The following ABCA13 variants were observed in gnomAD, a reference collection of about 807,000 sequenced individuals.
ABCA13 encodes the protein ATP-binding cassette sub-family A member 13.
A neutral mutation model predicts 478.7 loss-of-function variants in ABCA13; 476 were observed. The observed-to-expected ratio is 0.99, with a 90% CI of 0.92 to 1.07. ABCA13 has a LOEUF of 1.07. ABCA13 is among the 50% of genes least tolerant of loss of function. The probability of loss-of-function intolerance (pLI) is 0.00; values close to 1 mark genes in which losing one functional copy is unlikely to be tolerated. For missense variants in ABCA13, 6,060 were observed against 5,910.6 expected, an observed-to-expected ratio of 1.03 and a Z score of -0.83; for synonymous variants, 2,252 against 2,158.9, an observed-to-expected ratio of 1.04 and a Z score of -1.20.
intron 43 of ABCA13, among the ~76,000 whole-genome samples, chr7:48,461,909 T>C (rs1478969918): frequency 6.6e-6 from 1 of 152,132 alleles, no homozygotes; most frequent in East Asian, 1.9e-4. Context: ...AGGCCATAAG[T>C]TCTACCCTGA....
intron 35 of ABCA13, among the ~76,000 whole-genome samples, chr7:48,385,332 C>T (rs945242328): frequency 2.0e-5 from 3 of 152,076 alleles, no homozygotes; most frequent in African/African-American, 7.2e-5. Context: ...CATGTTGTTC[C>T]CCGCAGTGCA....
chr7:48,376,382 C>T (rs1340461786), intron 34 of ABCA13, 59 bp from the exon 35 acceptor site: 1 of 1,573,278 alleles, frequency 6.4e-7, no homozygotes. Context: ...CTCATCATGA[C>T]AAAATCTACC....
intron 43 of ABCA13, among the ~76,000 whole-genome samples, chr7:48,465,002 C>G (rs1168697867): frequency 6.6e-6 from 1 of 152,064 alleles, no homozygotes; most frequent in African/African-American, 2.4e-5. Flanking sequence ...ATTGGAGATA[C>G]CGAGACAGAG....
chr7:48,473,010 G>A (rs1827678937), intron 45 of ABCA13, among the ~76,000 whole-genome samples: 1 of 152,184 alleles, frequency 6.6e-6, no homozygotes, highest in African/African-American at 2.4e-5. Context: ...GAAGGTGAAA[G>A]GCACTTCTTA....
At chr7:48,462,063 C>A (rs1450920370) in intron 43 of ABCA13, among the ~76,000 whole-genome samples, 1 of 149,688 alleles carries the variant, frequency 6.7e-6, no homozygotes, top group African/African-American at 2.5e-5. Flanking sequence ...GCTATGCCCC[C>A]TAAATTGCTT....
chr7:48,330,673 C>T (rs916851463), intron 27 of ABCA13, among the ~76,000 whole-genome samples: 3 of 151,034 alleles, frequency 2.0e-5, no homozygotes, highest in Admixed American at 1.3e-4. Flanking sequence ...ATTCAACCAT[C>T]GATTCATCTA....
intron 57 of ABCA13, among the ~76,000 whole-genome samples, chr7:48,592,411 A>G (rs550514682): frequency 2.0e-5 from 3 of 152,064 alleles, no homozygotes; most frequent in African/African-American, 4.8e-5. Flanking sequence ...ATTAATTTCT[A>G]GTATCATACC....
chr7:48,469,046 C>A (rs1392541355), intron 44 of ABCA13, among the ~76,000 whole-genome samples: 1 of 152,192 alleles, frequency 6.6e-6, no homozygotes, highest in African/African-American at 2.4e-5. Flanking sequence ...GTGTTGAATT[C>A]TCCTACTATT....
chr7:48,590,967 C>T (rs978124015), intron 57 of ABCA13, among the ~76,000 whole-genome samples: 2 of 151,870 alleles, frequency 1.3e-5, no homozygotes, highest in Non-Finnish European at 1.5e-5. Flanking sequence ...AAACTCTTTT[C>T]GTTTGAAATA....
chr7:48,233,316 T>G (rs758556033), intron 7 of ABCA13, among the ~76,000 whole-genome samples: 9 of 152,214 alleles, frequency 5.9e-5, no homozygotes, highest in Non-Finnish European at 1.2e-4. Context: ...AATTTCTAAA[T>G]GAAGGTTCAA....
At chr7:48,512,220 A>G (rs1831752059) in intron 51 of ABCA13, among the ~76,000 whole-genome samples, 1 of 152,194 alleles carries the variant, frequency 6.6e-6, no homozygotes, top group Admixed American at 6.5e-5. Context: ...CCAATGCTGT[A>G]GCTTTGGTAA....
At chr7:48,312,152 C>A (rs1353816849) in intron 24 of ABCA13, among the ~76,000 whole-genome samples, 2 of 152,188 alleles carry the variant, frequency 1.3e-5, no homozygotes, top group Non-Finnish European at 2.9e-5. Context: ...CCCTGAAAGT[C>A]ATCTGCAGAG....
At chr7:48,547,248 A>G (rs946664178) in intron 55 of ABCA13, among the ~76,000 whole-genome samples, 1 of 151,908 alleles carries the variant, frequency 6.6e-6, no homozygotes, top group African/African-American at 2.4e-5. Flanking sequence ...CAGTCTTCAC[A>G]TTAATGCCTA....
chr7:48,403,076 A>T (rs1302048801), intron 38 of ABCA13, among the ~76,000 whole-genome samples: 16 of 152,262 alleles, frequency 1.1e-4, no homozygotes, highest in Admixed American at 1.0e-3. Context: ...AAGGCTTTGC[A>T]CTGGGTATCT....
chr7:48,442,703 A>C (rs1376717916), intron 42 of ABCA13, among the ~76,000 whole-genome samples: 2 of 152,146 alleles, frequency 1.3e-5, no homozygotes, highest in African/African-American at 4.8e-5. Context: ...ATTGGGTTTC[A>C]CCCCCAAATC....
intron 20 of ABCA13, among the ~76,000 whole-genome samples, chr7:48,292,637 C>T (rs531909958): frequency 1.3e-5 from 2 of 152,338 alleles, no homozygotes; most frequent in East Asian, 1.9e-4. Flanking sequence ...CTCCTTTGCA[C>T]CCACCTCAGG....
At chr7:48,533,184 G>C (rs1186398771) in intron 55 of ABCA13, among the ~76,000 whole-genome samples, 1 of 152,048 alleles carries the variant, frequency 6.6e-6, no homozygotes. Context: ...CAGAGGTTTT[G>C]ACAGGTTGTG....
intron 42 of ABCA13, among the ~76,000 whole-genome samples, chr7:48,445,304 C>T (rs574169579): frequency 1.2e-4 from 19 of 152,262 alleles, no homozygotes; most frequent in African/African-American, 3.6e-4. Flanking sequence ...CCACTGTGCC[C>T]GGCCTAGCCA....
Position 48,272,121 on chromosome 7 carries a change from C to G in ABCA13, c.2455C>G (p.Leu819Val). 6.2e-7 allele frequency: 1 copy of G among 1,613,500 alleles called. No homozygotes were observed. Among genetic ancestry groups the G allele is most frequent in the Admixed American group, 1.7e-5 (1 of 59,956 alleles). The change falls in exon 17 of 62, where the codon CTT becomes GTT. Residue 819 changes from leucine (L) to valine (V), a missense_variant. By Grantham distance (32) the Leu-to-Val change is conservative. Around this residue, in one of 3 missense-constraint regions of ABCA13, gnomAD observed 4,423 missense variants for 4,309.1 expected, o/e 1.03. Transcript: ENST00000435803. ...SHWIRKEPKN[L>V]LRFIELILFE... ...CTGGATAAGGAAGGAACCAAAAAAT[C>G]TTTTGAGATTCATAGAATTAATACT... is the stretch of plus-strand genomic sequence containing the variant.
Sources: allele counts gnomAD v4.1 joint callset (sites outside exome capture counted in the v4.1 genomes callset), GRCh38; gene constraint gnomAD v4.1.1; regional missense constraint gnomAD v4.1.1; transcripts MANE v1.5; gene names NCBI Gene and HGNC (gene_info 2026-07-23, HGNC 2026-07-21).